The following ZNF248 variants were observed in gnomAD, a reference collection of about 807,000 sequenced individuals.
The protein encoded by ZNF248 is KRAB protein domain.
A neutral mutation model predicts 44.3 loss-of-function variants in ZNF248; 20 were observed. The observed-to-expected ratio is 0.45, with a 90% CI of 0.32 to 0.66. The LOEUF (loss-of-function observed/expected upper bound fraction) is 0.66, where lower values mean the gene tolerates loss of function less well. Among genes scored for constraint, ZNF248 ranks in the 30% least tolerant of loss-of-function variants. The probability of loss-of-function intolerance (pLI) is 0.04; values close to 1 mark genes in which losing one functional copy is unlikely to be tolerated. For missense variants in ZNF248, 654 were observed against 677.0 expected (o/e 0.97, Z 0.38); for synonymous variants, 224 against 229.0 (o/e 0.98, Z 0.20).
At chr10:37,841,474 G>A (rs1313140240) in intron 3 of ZNF248, among the ~76,000 whole-genome samples, 1 of 150,610 alleles carries the variant, frequency 6.6e-6, no homozygotes, top group East Asian at 1.9e-4. Flanking sequence ...GGTAGTGTTG[G>A]ATTATAACCA....
At position 37,837,713 on chromosome 10, in the gene ZNF248, C is replaced by A. The variant is rs937772417; in HGVS notation, c.143-1G>T. 1.9e-6 allele frequency: 3 copies of A among 1,613,480 alleles called. No homozygotes were observed. Among genetic ancestry groups the A allele is most frequent in the Non-Finnish European group, 2.5e-6 (3 of 1,179,688 alleles). The stretch of plus-strand genomic sequence containing the variant: ...ACTTCTGGTTTAGTAATGCAATACC[C>A]TGTTAAGAGAAAATACCACAGGACT... On this transcript the variant is annotated splice_acceptor_variant, in intron 4 of 5. Transcript: ENST00000395867. LOFTEE classifies it high-confidence loss of function.
intron 6 of ZNF248, among the ~76,000 whole-genome samples, chr10:37,808,594 T>C (rs996884500): frequency 6.6e-6 from 1 of 152,178 alleles, no homozygotes; most frequent in African/African-American, 2.4e-5. Context: ...TGGTACACAA[T>C]CTTTTCAACA....
rs532568009 is a variant in ZNF248, at chr10:37,831,154, C to T, written c.*461G>A. The stretch of plus-strand genomic sequence containing the variant: ...CATAGTAGTTACTCAATTAAGGGTA[C>T]GTATCTTCTCCTTATGATCATGTTG... On this transcript the variant is annotated 3_prime_UTR_variant, in exon 6 of 6. Transcript: ENST00000395867. The T allele has an allele frequency of 2.6e-4, 394 of 1,497,554 alleles. 4 individuals carry two copies. In the South Asian group the frequency reaches 4.2e-3, roughly 16 times the overall value. 92.8% of individuals were successfully genotyped at this position (1,497,554 alleles called of 1,614,324 possible). A position where few individuals can be genotyped will look rare whatever the true frequency, so the allele number is the denominator to read the frequency against.
the ZNF248 span, among the ~76,000 whole-genome samples, chr10:37,769,879 G>T: frequency 6.6e-6 from 1 of 152,126 alleles, no homozygotes; most frequent in African/African-American, 2.4e-5. Context: ...AAACCCCATT[G>T]TCTCAGCCCA....
intron 6 of ZNF248, among the ~76,000 whole-genome samples, chr10:37,809,195 C>T (rs1048548460): frequency 6.6e-6 from 1 of 152,098 alleles, no homozygotes; most frequent in Non-Finnish European, 1.5e-5. Context: ...TTGATTTTCT[C>T]TATTGTTTTT....
intron 3 of ZNF248, among the ~76,000 whole-genome samples, chr10:37,854,935 G>A (rs557366792): frequency 1.3e-4 from 20 of 152,270 alleles, no homozygotes; most frequent in Admixed American, 5.9e-4. Context: ...TTAAGCTGGA[G>A]GTTTATCAGA....
At chr10:37,772,133 C>T (rs901897083), downstream of ZNF248, among the ~76,000 whole-genome samples, 2 of 152,068 alleles carry the variant, frequency 1.3e-5, no homozygotes, top group Admixed American at 1.3e-4. Context: ...GGCGTGGTGG[C>T]ATGCACCTGT....
intron 5 of ZNF248, among the ~76,000 whole-genome samples, chr10:37,837,241 G>A (rs1447700269): frequency 6.6e-6 from 1 of 151,938 alleles, no homozygotes; most frequent in African/African-American, 2.4e-5. Context: ...AGCCTCCCAA[G>A]CAGCTGGGAC....
intron 6 of ZNF248, chr10:37,820,582 A>C: frequency 6.3e-5 from 101 of 1,596,844 alleles, no homozygotes; most frequent in Non-Finnish European, 7.5e-5. Context: ...CAGCAAACTC[A>C]AAGTAATCAC....
downstream of ZNF248, chr10:37,828,728 A>C (rs1372684488): frequency 1.0e-6 from 1 of 985,310 alleles, no homozygotes; most frequent in African/African-American, 1.7e-5. Context: ...AAAATGTATC[A>C]AACTAACACA....
At chr10:37,820,493 T>C (rs3824585) in intron 6 of ZNF248, 217,380 of 1,593,158 alleles carry the variant, frequency 0.14, 15,842 homozygotes, top group Admixed American at 0.24. Flanking sequence ...CAGTAAGGGA[T>C]TGGATAAGGA....
chr10:37,760,663 G>A, the ZNF248 span, among the ~76,000 whole-genome samples: 24 of 152,172 alleles, frequency 1.6e-4, no homozygotes, highest in African/African-American at 2.6e-4. Context: ...GTGAAACCCC[G>A]TTTCTACTAA....
intron 3 of ZNF248, among the ~76,000 whole-genome samples, chr10:37,849,668 C>A (rs1489122110): frequency 6.6e-6 from 1 of 150,630 alleles, no homozygotes; most frequent in African/African-American, 2.4e-5. Context: ...GCCTCGGCAA[C>A]AGAATGAGAC....
intron 3 of ZNF248, among the ~76,000 whole-genome samples, chr10:37,838,834 A>G (rs994060517): frequency 6.6e-6 from 1 of 152,254 alleles, no homozygotes; most frequent in African/African-American, 2.4e-5. Context: ...TAATATGTTC[A>G]ACAAAACAGA....
chr10:37,771,836 C>T (rs149339987), downstream of ZNF248, among the ~76,000 whole-genome samples: 50 of 152,226 alleles, frequency 3.3e-4, no homozygotes, highest in African/African-American at 1.0e-3. Flanking sequence ...CTAATCATGT[C>T]ATTCTTTCAA....
chr10:37,833,202 A>T lies in ZNF248; in HGVS notation c.239-86T>A, dbSNP rs1291323904. ...CTTTTACACAAATGCACTATCATACAGTCAATTCTTTTGTTTTAAATTCAG... is the reference window on the plus strand; with the variant it reads ...CTTTTACACAAATGCACTATCATACTGTCAATTCTTTTGTTTTAAATTCAG... On this transcript the variant is annotated intron_variant, in intron 5 of 5. Coordinates refer to ENST00000395867, the MANE Select transcript of ZNF248 (RefSeq NM_021045.3). The T allele has an allele frequency of 7.5e-6, 11 of 1,473,336 alleles. No individual in the cohort carries two copies. The East Asian group carries it at 2.5e-4, about 34-fold the overall frequency. The allele number at this position is 1,473,336 out of a possible 1,614,324, so 91.3% of individuals were successfully genotyped here.
chr10:37,832,929 T>C lies in ZNF248; in HGVS notation c.426A>G (p.Ser142=). 1 of 1,613,364 alleles carries C rather than the reference T, an allele frequency of 6.2e-7. No homozygotes were observed. Among genetic ancestry groups the C allele is most frequent in the African/African-American group, 1.3e-5 (1 of 74,990 alleles). The change falls in exon 6 of 6, where the codon TCA becomes TCG. Residue 142 remains serine, a synonymous_variant. Coordinates refer to ENST00000395867, the MANE Select transcript of ZNF248 (RefSeq NM_021045.3). ...LRNYPYKICD[S]CEMNLKNISG... ...AAATATTTTTCAAATTCATTTCACA[T>C]GAGTCACATATTTTATAGGGATAAT... is the stretch of plus-strand genomic sequence containing the variant.
At chr10:37,778,482 A>G (rs2046872651) in intron 6 of ZNF248, among the ~76,000 whole-genome samples, 1 of 151,544 alleles carries the variant, frequency 6.6e-6, no homozygotes, top group African/African-American at 2.4e-5. Flanking sequence ...CCCATTTTGT[A>G]GGTTGCCTGT....
intron 6 of ZNF248, among the ~76,000 whole-genome samples, chr10:37,782,720 T>C (rs2047451832): frequency 6.6e-6 from 1 of 152,098 alleles, no homozygotes; most frequent in Admixed American, 6.5e-5. Flanking sequence ...ATTGGAGTGA[T>C]GTGTCTACAA....
Sources: gnomAD v4.1 joint callset for allele counts (sites outside exome capture counted in the v4.1 genomes callset) on GRCh38, gnomAD v4.1.1 for gene constraint, MANE v1.5 for transcripts, NCBI Gene and HGNC (gene_info 2026-07-23, HGNC 2026-07-21) for gene names.